Variants in MACROD2 observed in about 807,000 individuals in gnomAD.
MACROD2 encodes the protein mono-ADP ribosylhydrolase 2.
MACROD2 carries 36 observed loss-of-function variants against 70.4 expected under a neutral mutation model. That is an observed-to-expected ratio of 0.51 (90% confidence interval 0.39 to 0.68). The LOEUF (loss-of-function observed/expected upper bound fraction) is 0.68. Ranked by LOEUF, MACROD2 falls within the 30% of genes least tolerant of loss-of-function variation. The pLI is 0.00. For missense variants in MACROD2, 496 were observed against 538.4 expected, an observed-to-expected ratio of 0.92 and a Z score of 0.78; for synonymous variants, 172 against 178.8, an observed-to-expected ratio of 0.96 and a Z score of 0.30.
chr20:14,301,555 A>G (rs1360396114), intron 3 of MACROD2, among the ~76,000 whole-genome samples: 1 of 152,136 alleles, frequency 6.6e-6, no homozygotes, highest in African/African-American at 2.4e-5. Context: ...GTTCTTTTGA[A>G]TTTCCCTAAA....
At chr20:14,015,864 T>C (rs1005335108) in intron 2 of MACROD2, among the ~76,000 whole-genome samples, 1 of 152,270 alleles carries the variant, frequency 6.6e-6, no homozygotes, top group Non-Finnish European at 1.5e-5. Context: ...ACATTCTGTT[T>C]ATCCATTTAA....
rs942978562 is a variant in MACROD2, at chr20:14,992,026, G to A, written c.419-237914G>A. 2.0e-5 allele frequency among the ~76,000 whole-genome samples: 3 copies of A among 152,202 alleles called. No individual in the cohort carries two copies. In the East Asian group the frequency reaches 5.8e-4, roughly 29 times the overall value. On this transcript the variant is annotated intron_variant, in intron 5 of 17. Transcript: ENST00000684519. ...GAGTGGGTGGTGGGAGGAGAGGATAGAGTCAGGTGTTAACGCATATATGTA... is the reference window on the plus strand; with the variant it reads ...GAGTGGGTGGTGGGAGGAGAGGATAAAGTCAGGTGTTAACGCATATATGTA...
At position 15,463,537 on chromosome 20, in the gene MACROD2, G is replaced by A. The variant is rs574144018; in HGVS notation, c.571+32102G>A. 3.0e-4 allele frequency among the ~76,000 whole-genome samples: 45 copies of A among 152,242 alleles called. 1 individual carries two copies. Among genetic ancestry groups the A allele is most frequent in the Admixed American group, 2.7e-3 (42 of 15,290 alleles). On this transcript the variant is annotated intron_variant, in intron 7 of 17. Transcript: ENST00000684519. ...GGCCAAGGTGGGTGGATCACTTGAGGTCGGGAGTTCAAGACCAGCCTGGCC... is the reference window on the plus strand; with the variant it reads ...GGCCAAGGTGGGTGGATCACTTGAGATCGGGAGTTCAAGACCAGCCTGGCC...
At chr20:14,178,974 C>T (rs1369731764) in intron 3 of MACROD2, among the ~76,000 whole-genome samples, 3 of 152,154 alleles carry the variant, frequency 2.0e-5, no homozygotes, top group Non-Finnish European at 2.9e-5. Flanking sequence ...ACATCATTTC[C>T]TCCATATTCT....
intron 4 of MACROD2, among the ~76,000 whole-genome samples, chr20:14,654,803 G>A (rs889567864): frequency 1.2e-4 from 18 of 152,086 alleles, no homozygotes; most frequent in Non-Finnish European, 1.5e-4. Context: ...CACTAAAAGC[G>A]CTCAGTTCCC....
At chr20:15,706,007 A>G (rs2050526503) in intron 8 of MACROD2, among the ~76,000 whole-genome samples, 1 of 152,216 alleles carries the variant, frequency 6.6e-6, no homozygotes, top group Non-Finnish European at 1.5e-5. Flanking sequence ...TATTTTGCAA[A>G]TATTTTATAT....
intron 9 of MACROD2, among the ~76,000 whole-genome samples, chr20:15,875,868 C>A (rs2064660289): frequency 6.6e-6 from 1 of 151,704 alleles, no homozygotes; most frequent in African/African-American, 2.4e-5. Context: ...AAAGGCCTTT[C>A]AAACATTCTG....
At chr20:14,415,637 T>A (rs1421176815) in intron 3 of MACROD2, among the ~76,000 whole-genome samples, 2 of 152,202 alleles carry the variant, frequency 1.3e-5, no homozygotes, top group East Asian at 1.9e-4. Flanking sequence ...GGGGAAACAG[T>A]GTCTGTTGAA....
chr20:13,996,129 C>T (rs1172426433), intron 1 of MACROD2, among the ~76,000 whole-genome samples: 3 of 151,210 alleles, frequency 2.0e-5, no homozygotes, highest in Non-Finnish European at 4.4e-5. Flanking sequence ...GGCGGCAGCC[C>T]CGGGCGCGGC....
In MACROD2 at chr20:15,645,220, G is replaced by A. The variant is rs559026273; in HGVS notation, c.645+145373G>A. ...TGGTGGACAGTTGCCTCCTCCTAGC[G>A]TGAAATTACAGTCAATGACCCAGAG... On this transcript the variant is annotated intron_variant, in intron 8 of 17. Transcript: ENST00000684519. 1.3e-4 allele frequency among the ~76,000 whole-genome samples: 20 copies of A among 152,276 alleles called. 1 individual carries two copies. The East Asian group carries it at 1.4e-3, about 10-fold the overall frequency.
At chr20:14,047,279 T>C (rs1003715027) in intron 2 of MACROD2, among the ~76,000 whole-genome samples, 2 of 151,980 alleles carry the variant, frequency 1.3e-5, no homozygotes, top group Non-Finnish European at 2.9e-5. Flanking sequence ...ACTCCGTCTC[T>C]ACTAAAAAAA....
At chr20:14,253,675 A>G (rs17812616) in intron 3 of MACROD2, among the ~76,000 whole-genome samples, 4,450 of 152,206 alleles carry the variant, frequency 0.029, 87 homozygotes, top group Non-Finnish European at 0.046. Flanking sequence ...TACAATTAGA[A>G]TGTTTATCAT....
At position 14,766,467 on chromosome 20, in the gene MACROD2, G is replaced by A. The variant is rs541809055; in HGVS notation, c.418+81508G>A. 3.3e-5 allele frequency among the ~76,000 whole-genome samples: 5 copies of A among 152,128 alleles called. No individual in the cohort carries two copies. The South Asian group carries it at 6.2e-4, about 19-fold the overall frequency. On this transcript the variant is annotated intron_variant, in intron 5 of 17. Transcript: ENST00000684519. ...ATGGCAGCGCCAGGAAGAAAAAGAG[G>A]GTCAAATTCACAAAGCAATTAGAGA... is the stretch of plus-strand genomic sequence containing the variant.
chr20:14,600,385 A>T (rs1982417264), intron 4 of MACROD2, among the ~76,000 whole-genome samples: 1 of 145,414 alleles, frequency 6.9e-6, no homozygotes, highest in Admixed American at 7.1e-5. Flanking sequence ...TACTATATAT[A>T]CACATATATA....
At chr20:14,310,825 C>A (rs1290694129) in intron 3 of MACROD2, among the ~76,000 whole-genome samples, 1 of 151,338 alleles carries the variant, frequency 6.6e-6, no homozygotes, top group Non-Finnish European at 1.5e-5. Flanking sequence ...GTGACTTAGT[C>A]TTTAAGAAAA....
intron 5 of MACROD2, among the ~76,000 whole-genome samples, chr20:15,167,400 A>G (rs566090903): frequency 6.6e-6 from 1 of 152,284 alleles, no homozygotes; most frequent in South Asian, 2.1e-4. Flanking sequence ...TGTTTCCTGC[A>G]AAGCACTGTT....
chr20:15,521,682 T>G (rs2146530800), intron 8 of MACROD2, among the ~76,000 whole-genome samples: 1 of 152,304 alleles, frequency 6.6e-6, no homozygotes, highest in Non-Finnish European at 1.5e-5. Context: ...TCTCCTCATT[T>G]CCTCTCAGAA....
intron 8 of MACROD2, among the ~76,000 whole-genome samples, chr20:15,505,273 A>G (rs1172926484): frequency 6.6e-6 from 1 of 152,154 alleles, no homozygotes; most frequent in Non-Finnish European, 1.5e-5. Flanking sequence ...TCGTTTTCCC[A>G]GGAAGTCCTG....
intron 8 of MACROD2, among the ~76,000 whole-genome samples, chr20:15,611,833 T>G (rs1370709635): frequency 6.7e-6 from 1 of 148,318 alleles, no homozygotes; most frequent in African/African-American, 2.5e-5. Flanking sequence ...TCTATAAGGC[T>G]CCGAGCAAAT....
Sources: gnomAD v4.1 joint callset for allele counts (sites outside exome capture counted in the v4.1 genomes callset) on GRCh38, gnomAD v4.1.1 for gene constraint, MANE v1.5 for transcripts, NCBI Gene and HGNC (gene_info 2026-07-23, HGNC 2026-07-21) for gene names.